The following PCDH19 variants were observed in gnomAD, a reference collection of about 807,000 sequenced individuals.
The protein encoded by PCDH19 is protocadherin 19.
A neutral mutation model predicts 46.2 loss-of-function variants in PCDH19; 6 were observed. The observed-to-expected ratio is 0.13, with a 90% CI of 0.07 to 0.26. PCDH19 has a LOEUF of 0.26. PCDH19 is among the 10% of genes least tolerant of loss of function. The pLI, the probability that PCDH19 is intolerant of heterozygous loss-of-function variation, is 1.00. For synonymous variants in PCDH19, 481 were observed against 415.7 expected, an observed-to-expected ratio of 1.16 and a Z score of -1.91; for missense variants, 740 against 972.3, an observed-to-expected ratio of 0.76 and a Z score of 3.18.
chrX:100,324,096 C>G (rs888640279), intron 5 of PCDH19, among the ~76,000 whole-genome samples: 7 of 111,729 alleles, frequency 6.3e-5, no homozygotes, highest in Non-Finnish European at 1.3e-4. Context: ...GAGGAATCTA[C>G]TTAAACTTTA....
In PCDH19 at chrX:100,352,130, T is replaced by C. The variant is rs750883736; in HGVS notation, c.2617-1426A>G. On this transcript the variant is annotated intron_variant, in intron 3 of 5. Transcript: ENST00000373034. ...TATCTAGAAGTTTATATCTCCTTTTTAATGTAAACTCAAGCAATTTTTAAT... is the reference window on the plus strand; with the variant it reads ...TATCTAGAAGTTTATATCTCCTTTTCAATGTAAACTCAAGCAATTTTTAAT... 2.2e-4 allele frequency among the ~76,000 whole-genome samples: 25 copies of C among 112,574 alleles called. 1 individual carries two copies. Among genetic ancestry groups the C allele is most frequent in the Non-Finnish European group, 7.5e-5 (4 of 53,360 alleles).
chrX:100,398,918 T>G (rs1276032969), intron 3 of PCDH19, among the ~76,000 whole-genome samples: 1 of 111,841 alleles, frequency 8.9e-6, no homozygotes, highest in African/African-American at 3.3e-5. Flanking sequence ...GTAGTACCCT[T>G]TTGTCCCAAC....
At chrX:100,355,226 C>T (rs1884075068) in intron 3 of PCDH19, among the ~76,000 whole-genome samples, 1 of 111,789 alleles carries the variant, frequency 8.9e-6, no homozygotes, top group Non-Finnish European at 1.9e-5. Flanking sequence ...TCCTAACCAT[C>T]TGCCTTGTTT....
At chrX:100,405,759 C>A (rs1215106093) in intron 1 of PCDH19, among the ~76,000 whole-genome samples, 1 of 111,813 alleles carries the variant, frequency 8.9e-6, no homozygotes, top group Non-Finnish European at 1.9e-5. Context: ...AAGTCTTGTT[C>A]CTCATTGGGA....
At chrX:100,335,801 A>G (rs1006359311) in intron 5 of PCDH19, among the ~76,000 whole-genome samples, 7 of 111,869 alleles carry the variant, frequency 6.3e-5, no homozygotes, top group Non-Finnish European at 1.9e-5. Flanking sequence ...AGTGATATAT[A>G]TCTGTTCATG....
chrX:100,371,778 C>A (rs1927230038), intron 3 of PCDH19, among the ~76,000 whole-genome samples: 1 of 109,435 alleles, frequency 9.1e-6, no homozygotes, highest in African/African-American at 3.3e-5. Flanking sequence ...TCCTGGAACC[C>A]TGAAAACAGC....
chrX:100,373,172 C>T (rs1927275819), intron 3 of PCDH19, among the ~76,000 whole-genome samples: 1 of 112,401 alleles, frequency 8.9e-6, no homozygotes, highest in Admixed American at 9.4e-5. Context: ...CCACGCCCAG[C>T]TAATTTTTGT....
At chrX:100,321,581 T>C (rs954266589) in intron 5 of PCDH19, among the ~76,000 whole-genome samples, 4 of 110,788 alleles carry the variant, frequency 3.6e-5, no homozygotes, top group Non-Finnish European at 5.7e-5. Flanking sequence ...TTGAGAATTA[T>C]CTGTTCATGT....
At chrX:100,350,116 G>T (rs1926524406) in intron 4 of PCDH19, among the ~76,000 whole-genome samples, 1 of 112,224 alleles carries the variant, frequency 8.9e-6, no homozygotes, top group African/African-American at 3.2e-5. Flanking sequence ...TCTTTAAAAT[G>T]ATTTCAAAGT....
chrX:100,335,445 T>A (rs372257000), intron 5 of PCDH19, among the ~76,000 whole-genome samples: 8 of 110,683 alleles, frequency 7.2e-5, no homozygotes, highest in African/African-American at 2.0e-4. Flanking sequence ...TAAAAAAAAA[T>A]GTTTACCAAT....
rs971048873 is a variant in PCDH19, at chrX:100,408,070, C to A, written c.528G>T (p.Leu176=). ...AGCCGTCGCCGCGCGTCTTGATCTC[C>A]AGGCCGAACAGCTCGTTGGGCGTGA... The part of the protein sequence containing the change: ...YELTPNELFG[L]EIKTRGDGSR... The change falls in exon 1 of 6, where the codon CTG becomes CTT. Residue 176 remains leucine (L), a synonymous_variant. Coordinates refer to ENST00000373034, the MANE Select transcript of PCDH19 (RefSeq NM_001184880.2). The A allele has an allele frequency of 8.3e-7, 1 of 1,208,749 alleles. No homozygotes were observed. The highest frequency in any genetic ancestry group is 2.2e-5 in the Admixed American group (1 of 46,076).
intron 3 of PCDH19, among the ~76,000 whole-genome samples, chrX:100,374,595 C>G (rs770712133): frequency 8.9e-6 from 1 of 111,784 alleles, no homozygotes; most frequent in African/African-American, 3.2e-5. Flanking sequence ...TTCTCTGAAG[C>G]CATCATCCAT....
At chrX:100,311,814 G>A (rs776291172) in intron 5 of PCDH19, among the ~76,000 whole-genome samples, 6 of 110,326 alleles carry the variant, frequency 5.4e-5, no homozygotes, top group East Asian at 2.9e-4. Flanking sequence ...CAATAGAGGC[G>A]TCATAAAAAA....
intron 5 of PCDH19, among the ~76,000 whole-genome samples, chrX:100,309,546 T>TA (rs1925066448): frequency 9.0e-6 from 1 of 111,673 alleles, no homozygotes; most frequent in Admixed American, 9.5e-5. Context: ...AAAATAAATT[T>TA]AAAAAAATGT....
intron 5 of PCDH19, among the ~76,000 whole-genome samples, chrX:100,320,848 T>C (rs904448070): frequency 1.8e-5 from 2 of 108,668 alleles, no homozygotes; most frequent in Admixed American, 2.0e-4. Flanking sequence ...GAGTAAGTTC[T>C]TTAGTGGTGA....
chrX:100,396,305 G>A (rs1387221138), intron 3 of PCDH19, among the ~76,000 whole-genome samples: 1 of 111,848 alleles, frequency 8.9e-6, no homozygotes, highest in Non-Finnish European at 1.9e-5. Flanking sequence ...TTCTGCGCTG[G>A]GCACAATAAG....
At chrX:100,318,878 G>A (rs1925390704) in intron 5 of PCDH19, among the ~76,000 whole-genome samples, 1 of 110,911 alleles carries the variant, frequency 9.0e-6, no homozygotes. Context: ...GCTGGCTCTT[G>A]CATACACCTT....
chrX:100,356,990 CA>C (rs1008402893), intron 3 of PCDH19, among the ~76,000 whole-genome samples: 7 of 111,431 alleles, frequency 6.3e-5, no homozygotes, highest in Non-Finnish European at 1.1e-4. Flanking sequence ...TCAAGCTCCA[CA>C]ATTCTAGGCT....
At chrX:100,349,496 TA>T (rs1314480760) in intron 4 of PCDH19, among the ~76,000 whole-genome samples, 1 of 112,100 alleles carries the variant, frequency 8.9e-6, no homozygotes, top group African/African-American at 3.2e-5. Flanking sequence ...TAGCATGTTT[TA>T]GGGGTTACTG....
Sources: allele counts gnomAD v4.1 joint callset (sites outside exome capture counted in the v4.1 genomes callset), GRCh38; gene constraint gnomAD v4.1.1; transcripts MANE v1.5; gene names NCBI Gene and HGNC (gene_info 2026-07-23, HGNC 2026-07-21).